Variants in DCBLD2 observed in about 807,000 individuals in gnomAD.
DCBLD2 encodes the protein discoidin, CUB and LCCL domain-containing protein 2.
Under a neutral mutation model 86.8 loss-of-function variants are expected in DCBLD2, and 54 were observed. That is an observed-to-expected ratio of 0.62 (90% CI 0.50 to 0.78). The LOEUF is 0.78. Ranked by LOEUF, DCBLD2 falls within the 30% of genes least tolerant of loss-of-function variation. The pLI is 0.00. For synonymous variants in DCBLD2, 354 were observed against 341.3 expected (o/e 1.04, Z -0.41); for missense variants, 908 against 954.2 (o/e 0.95, Z 0.64).
chr3:98,876,848 T>G (rs1322129707), intron 2 of DCBLD2, among the ~76,000 whole-genome samples: 2 of 152,114 alleles, frequency 1.3e-5, no homozygotes, highest in African/African-American at 4.8e-5. Flanking sequence ...ATGAGGACTA[T>G]CCTACAAAAT....
chr3:98,817,631 A>G (rs1942046844), intron 9 of DCBLD2, 138 bp downstream of exon 9: 2 of 758,906 alleles, frequency 2.6e-6, no homozygotes, highest in East Asian at 6.1e-5. Context: ...AAGGCCAATA[A>G]CACTACCTAA....
In DCBLD2 at chr3:98,838,153, C is replaced by CG. The variant is rs1173885959; in HGVS notation, c.571+11307_571+11308insC. Among the ~76,000 whole-genome samples, 54 of 102,594 alleles carry CG rather than the reference C, an allele frequency of 5.3e-4. No homozygotes were observed. The East Asian group carries it at 7.0e-3, about 13-fold the overall frequency. 67.3% of individuals were successfully genotyped at this position (102,594 alleles called of 152,430 possible). A position where few individuals can be genotyped will look rare whatever the true frequency, so the allele number is the denominator to read the frequency against. ...CTGGTCGGGCGGGGGGCTGACCCCCCCCACCTCCCTCCCGGACGGGGTGGC... is the reference window on the plus strand; with the variant it reads ...CTGGTCGGGCGGGGGGCTGACCCCCCGCCACCTCCCTCCCGGACGGGGTGGC... On this transcript the variant is annotated intron_variant, in intron 3 of 15. Coordinates refer to ENST00000326840, the MANE Select transcript of DCBLD2 (RefSeq NM_080927.4).
rs757657940 is a variant in DCBLD2 at position 98,817,784 on chromosome 3, A to C, written c.1197T>G (p.Gly399=). The C allele has an allele frequency of 6.2e-6, 10 of 1,613,508 alleles. No individual in the cohort carries two copies. Among genetic ancestry groups the C allele is most frequent in the African/African-American group, 1.3e-5 (1 of 74,938 alleles). Residue 399 remains glycine, a synonymous_variant, in exon 9 of 16, where the codon GGT becomes GGG. Transcript: ENST00000326840. ...GQKWTVYREP[G]VEQDKIFQGN... ...ATCATTTTACCTTATCTTGCTCCAC[A>C]CCAGGCTCTCTGTACACAGTCCATT...
intron 4 of DCBLD2, among the ~76,000 whole-genome samples, chr3:98,823,794 G>A (rs958873587): frequency 4.8e-4 from 73 of 152,170 alleles, no homozygotes; most frequent in African/African-American, 1.7e-3. Flanking sequence ...CCTCATTTTA[G>A]GAAACAGGGA....
At chr3:98,854,943 G>T (rs930344564) in intron 2 of DCBLD2, among the ~76,000 whole-genome samples, 1 of 152,022 alleles carries the variant, frequency 6.6e-6, no homozygotes, top group African/African-American at 2.4e-5. Flanking sequence ...CTAGAACTGG[G>T]CAAAAATTTC....
At chr3:98,848,843 T>C (rs557840660) in intron 3 of DCBLD2, among the ~76,000 whole-genome samples, 1 of 152,308 alleles carries the variant, frequency 6.6e-6, no homozygotes, top group African/African-American at 2.4e-5. Context: ...TTTAAATTGA[T>C]ATAAAACATT....
chr3:98,797,234 G>GTCT lies in DCBLD2; in HGVS notation c.*2135_*2137dup, dbSNP rs1361131656. On this transcript the variant is annotated 3_prime_UTR_variant, in exon 16 of 16. Coordinates refer to ENST00000326840, the MANE Select transcript of DCBLD2 (RefSeq NM_080927.4). ...ATAGCACAGTGGCAATATGAATCGA[G>GTCT]TCTTAAAATATGCATCATTTCAGAA... is the stretch of plus-strand genomic sequence containing the variant. The GTCT allele has an allele frequency of 6.7e-6, 1 of 150,160 alleles. No individual in the cohort carries two copies. The highest frequency in any genetic ancestry group is 2.5e-5 in the African/African-American group (1 of 40,814). 9.3% of individuals were successfully genotyped at this position (150,160 alleles called of 1,614,324 possible). A position where few individuals can be genotyped will look rare whatever the true frequency, so the allele number is the denominator to read the frequency against.
intron 1 of DCBLD2, among the ~76,000 whole-genome samples, chr3:98,882,596 A>G (rs1943490978): frequency 6.6e-6 from 1 of 152,190 alleles, no homozygotes; most frequent in African/African-American, 2.4e-5. Flanking sequence ...GACAGGCCCC[A>G]GTGTGTGATA....
At chr3:98,874,614 GCTGTTGAAGTCCCAA>G (rs1373784374) in intron 2 of DCBLD2, among the ~76,000 whole-genome samples, 3 of 152,162 alleles carry the variant, frequency 2.0e-5, no homozygotes, top group Non-Finnish European at 4.4e-5. Context: ...AAAATTAATT[GCTGTTGAAGTCCCAA>G]CTCTTAATAT....
At chr3:98,886,924 T>G (rs1012100566) in intron 1 of DCBLD2, among the ~76,000 whole-genome samples, 3 of 151,626 alleles carry the variant, frequency 2.0e-5, no homozygotes, top group Non-Finnish European at 4.4e-5. Flanking sequence ...GCTACTCTAA[T>G]TAAACTCCAA....
At chr3:98,897,928 A>C (rs1490877832) in intron 1 of DCBLD2, among the ~76,000 whole-genome samples, 3 of 152,126 alleles carry the variant, frequency 2.0e-5, no homozygotes, top group Non-Finnish European at 4.4e-5. Flanking sequence ...AGAGACCTAA[A>C]ATCATAGTAA....
At chr3:98,815,052 G>C (rs956257734) in intron 9 of DCBLD2, 1 of 152,172 alleles carries the variant, frequency 6.6e-6, no homozygotes, top group South Asian at 2.1e-4. Context: ...AGGCCAATAA[G>C]GTAGCTAGAA....
At chr3:98,867,176 A>C (rs1432437547) in intron 2 of DCBLD2, among the ~76,000 whole-genome samples, 3 of 152,142 alleles carry the variant, frequency 2.0e-5, no homozygotes, top group Admixed American at 6.5e-5. Context: ...CTTAGGATTG[A>C]CTTGGCAATG....
chr3:98,814,378 CTA>C (rs1327308661), intron 9 of DCBLD2: 1 of 152,102 alleles, frequency 6.6e-6, no homozygotes, highest in African/African-American at 2.4e-5. Flanking sequence ...AGATATTCCT[CTA>C]TATTGCTGTC....
chr3:98,874,949 T>C (rs114010679), intron 2 of DCBLD2, among the ~76,000 whole-genome samples: 2,199 of 152,236 alleles, frequency 0.014, 45 homozygotes, highest in Non-Finnish European at 0.023. Flanking sequence ...GTCTATAGAT[T>C]TTGTTACGGC....
chr3:98,808,372 T>A (rs748159551), intron 12 of DCBLD2, among the ~76,000 whole-genome samples, 198 bp from the exon 13 acceptor site: 1 of 152,218 alleles, frequency 6.6e-6, no homozygotes, highest in Non-Finnish European at 1.5e-5. Context: ...GTTACACTAT[T>A]CATTCCATCT....
rs761169190 is a variant in DCBLD2, at chr3:98,849,648, A to G, written c.434-50T>C. The G allele has an allele frequency of 1.9e-6, 3 of 1,577,746 alleles. No homozygotes were observed. The African/African-American group carries it at 4.1e-5, about 21-fold the overall frequency. On this transcript the variant is annotated intron_variant, in intron 2 of 15. Coordinates refer to ENST00000326840, the MANE Select transcript of DCBLD2 (RefSeq NM_080927.4). ...ATTTGGGATGACTCTCATGAAGTCAATAATATTTGCAATGTAGATAACAGA... is the reference window on the plus strand; with the variant it reads ...ATTTGGGATGACTCTCATGAAGTCAGTAATATTTGCAATGTAGATAACAGA...
intron 10 of DCBLD2, among the ~76,000 whole-genome samples, chr3:98,811,895 C>G (rs1941945921): frequency 6.6e-6 from 1 of 152,080 alleles, no homozygotes; most frequent in African/African-American, 2.4e-5. Context: ...TTATGGAGGG[C>G]CAACGATGTG....
At chr3:98,811,627 G>T in intron 10 of DCBLD2, 73 bp from the exon 11 acceptor site, 1 of 1,305,568 alleles carries the variant, frequency 7.7e-7, no homozygotes, top group Non-Finnish European at 1.0e-6. Flanking sequence ...AATGCTAAAT[G>T]TCTTCAATAT....
Sources: gnomAD v4.1 joint callset for allele counts (sites outside exome capture counted in the v4.1 genomes callset) on GRCh38, gnomAD v4.1.1 for gene constraint, MANE v1.5 for transcripts, NCBI Gene and HGNC (gene_info 2026-07-23, HGNC 2026-07-21) for gene names.